Variants in INPP4B observed in about 807,000 individuals in gnomAD.
INPP4B encodes inositol polyphosphate 4-phosphatase type II.
A neutral mutation model predicts 122.5 loss-of-function variants in INPP4B; 55 were observed. The ratio of observed to expected loss-of-function variants is 0.45; its 90% confidence interval spans 0.36 to 0.56. INPP4B has a LOEUF of 0.56. INPP4B is among the 20% of genes least tolerant of loss of function. The pLI is 0.00. For synonymous variants in INPP4B, 403 were observed against 388.7 expected, an observed-to-expected ratio of 1.04 and a Z score of -0.43; for missense variants, 1,000 against 1,097.7, an observed-to-expected ratio of 0.91 and a Z score of 1.26.
intron 7 of INPP4B, among the ~76,000 whole-genome samples, chr4:142,341,379 T>C (rs1255170775): frequency 6.6e-6 from 1 of 151,830 alleles, no homozygotes; most frequent in East Asian, 1.9e-4. Flanking sequence ...AAGTTATATT[T>C]GCATTCTGTT....
At chr4:142,396,529 T>C (rs1799434148) in intron 7 of INPP4B, among the ~76,000 whole-genome samples, 1 of 152,108 alleles carries the variant, frequency 6.6e-6, no homozygotes, top group Non-Finnish European at 1.5e-5. Context: ...ATGTAATCAA[T>C]ATGGAAAATA....
chr4:142,756,187 G>A (rs1194341432), intron 1 of INPP4B, among the ~76,000 whole-genome samples: 1 of 152,042 alleles, frequency 6.6e-6, no homozygotes, highest in Non-Finnish European at 1.5e-5. Context: ...GCTCCTCGAT[G>A]TTGTCATGTC....
chr4:142,656,145 T>C (rs565214303), intron 2 of INPP4B, among the ~76,000 whole-genome samples: 1 of 152,218 alleles, frequency 6.6e-6, no homozygotes, highest in African/African-American at 2.4e-5. Context: ...CTGCTTCCTG[T>C]GTGGACCTGG....
chr4:142,513,500 T>C (rs1307811827), intron 2 of INPP4B, among the ~76,000 whole-genome samples: 2 of 152,096 alleles, frequency 1.3e-5, no homozygotes, highest in East Asian at 3.9e-4. Flanking sequence ...CTCCACCTCC[T>C]GGGTTCAAGT....
chr4:142,138,401 G>C (rs1464046998), intron 18 of INPP4B, among the ~76,000 whole-genome samples: 1 of 102,212 alleles, frequency 9.8e-6, no homozygotes, highest in Non-Finnish European at 1.9e-5. Flanking sequence ...TGGGGGGAGG[G>C]GGGAGGGATA....
At chr4:142,127,127 C>A (rs1444937256) in intron 18 of INPP4B, among the ~76,000 whole-genome samples, 1 of 152,128 alleles carries the variant, frequency 6.6e-6, no homozygotes, top group Non-Finnish European at 1.5e-5. Context: ...GCACTTACTG[C>A]ATTCAAGTAA....
intron 18 of INPP4B, among the ~76,000 whole-genome samples, chr4:142,128,377 A>G (rs1262170992): frequency 3.5e-5 from 4 of 115,528 alleles, no homozygotes; most frequent in Non-Finnish European, 7.2e-5. Flanking sequence ...ACACACACAC[A>G]CATACACACA....
At chr4:142,380,941 C>G (rs989403359) in intron 7 of INPP4B, among the ~76,000 whole-genome samples, 1 of 152,054 alleles carries the variant, frequency 6.6e-6, no homozygotes, top group Non-Finnish European at 1.5e-5. Flanking sequence ...TTATTACATC[C>G]TTCTTTTTTG....
chr4:142,451,114 T>G (rs1814094260), intron 3 of INPP4B, among the ~76,000 whole-genome samples: 1 of 152,036 alleles, frequency 6.6e-6, no homozygotes. Flanking sequence ...GTTTGTGACA[T>G]ACTCATCTCT....
At chr4:142,067,839 C>A (rs558904938) in intron 25 of INPP4B, among the ~76,000 whole-genome samples, 2 of 152,186 alleles carry the variant, frequency 1.3e-5, no homozygotes, top group African/African-American at 4.8e-5. Flanking sequence ...TGTGAAAAGA[C>A]CAAATCTATG....
intron 7 of INPP4B, among the ~76,000 whole-genome samples, chr4:142,343,297 A>G (rs867441255): frequency 3.9e-5 from 6 of 152,192 alleles, no homozygotes; most frequent in Admixed American, 3.9e-4. Flanking sequence ...CTGGTAAATT[A>G]CCAGGGGTCT....
At chr4:142,353,924 T>G (rs887376371) in intron 7 of INPP4B, among the ~76,000 whole-genome samples, 2 of 151,968 alleles carry the variant, frequency 1.3e-5, no homozygotes, top group African/African-American at 4.8e-5. Flanking sequence ...ATTCTATGAG[T>G]TTTTATCTTC....
At chr4:142,398,271 G>A (rs111227906) in intron 7 of INPP4B, among the ~76,000 whole-genome samples, 5 of 148,416 alleles carry the variant, frequency 3.4e-5, no homozygotes, top group Non-Finnish European at 7.4e-5. Context: ...CCAGCTACTC[G>A]GGAGGCTGAG....
intron 7 of INPP4B, among the ~76,000 whole-genome samples, chr4:142,366,645 T>C (rs960144700): frequency 6.6e-6 from 1 of 152,130 alleles, no homozygotes; most frequent in African/African-American, 2.4e-5. Context: ...CAGTGTGAAT[T>C]TGAGTTCAAC....
At chr4:142,399,474 G>C (rs1003848956) in intron 7 of INPP4B, among the ~76,000 whole-genome samples, 5 of 151,904 alleles carry the variant, frequency 3.3e-5, no homozygotes, top group African/African-American at 1.2e-4. Flanking sequence ...GGATTACAGA[G>C]CCACTGTGCC....
chr4:142,579,389 C>T (rs1038889038), intron 2 of INPP4B, among the ~76,000 whole-genome samples: 5 of 151,808 alleles, frequency 3.3e-5, no homozygotes, highest in Non-Finnish European at 5.9e-5. Context: ...AGAGTGGTTC[C>T]GAATCAAACT....
chr4:142,071,223 C>T (rs970911951), intron 25 of INPP4B, among the ~76,000 whole-genome samples: 8 of 151,958 alleles, frequency 5.3e-5, no homozygotes, highest in South Asian at 2.1e-4. Flanking sequence ...CTGACAAAAA[C>T]AAGAAATAGG....
chr4:142,027,059 C>A lies in INPP4B; in HGVS notation c.*1723G>T, dbSNP rs1412091302. ...ACAACTCAAAGGTTGTATTTAATCA[C>A]TAAAATAAAGAATGAGTTAAGAGAA... On this transcript the variant is annotated 3_prime_UTR_variant, in exon 26 of 26. Transcript: ENST00000262992. The A allele has an allele frequency of 1.3e-5, 2 of 152,082 alleles. No homozygotes were observed. Among genetic ancestry groups the A allele is most frequent in the African/African-American group, 4.8e-5 (2 of 41,406 alleles). 9.4% of individuals were successfully genotyped at this position (152,082 alleles called of 1,614,324 possible). A position where few individuals can be genotyped will look rare whatever the true frequency, so the allele number is the denominator to read the frequency against.
At chr4:142,188,518 A>T (rs78297466) in intron 15 of INPP4B, among the ~76,000 whole-genome samples, 97,673 of 104,990 alleles carry the variant, frequency 0.93, 45,857 homozygotes, top group Middle Eastern at 0.97. Context: ...AAAGAAAAAA[A>T]ATATATATAG....
Sources: allele counts gnomAD v4.1 joint callset (sites outside exome capture counted in the v4.1 genomes callset), GRCh38; gene constraint gnomAD v4.1.1; transcripts MANE v1.5; gene names NCBI Gene and HGNC (gene_info 2026-07-23, HGNC 2026-07-21).